CDH18: variants seen among roughly 807,000 people sequenced by gnomAD.
CDH18 encodes cadherin 18.
Under a neutral mutation model 67.9 loss-of-function variants are expected in CDH18, and 31 were observed. The ratio of observed to expected loss-of-function variants is 0.46; its 90% CI spans 0.34 to 0.62. CDH18 has a LOEUF of 0.62. Among genes scored for constraint, CDH18 ranks in the 20% least tolerant of loss-of-function variants. The probability of loss-of-function intolerance (pLI) is 0.01; values close to 1 mark genes in which losing one functional copy is unlikely to be tolerated. For synonymous variants in CDH18, 362 were observed against 347.2 expected, an observed-to-expected ratio of 1.04 and a Z score of -0.48; for missense variants, 890 against 975.5, an observed-to-expected ratio of 0.91 and a Z score of 1.17.
intron 10 of CDH18, among the ~76,000 whole-genome samples, chr5:19,505,841 T>A (rs1579870829): frequency 6.6e-6 from 1 of 152,246 alleles, no homozygotes; most frequent in East Asian, 1.9e-4. Flanking sequence ...ATAAAATGAG[T>A]TAGGGAGGAT....
intron 4 of CDH18, among the ~76,000 whole-genome samples, chr5:19,729,792 G>GTCTTATGTA (rs1338325832): frequency 1.3e-5 from 2 of 152,072 alleles, no homozygotes; most frequent in African/African-American, 2.4e-5. Flanking sequence ...ATGCCCACTA[G>GTCTTATGTA]TCTTATGTAT....
chr5:20,034,412 T>C (rs2150458387), intron 2 of CDH18, among the ~76,000 whole-genome samples: 1 of 152,184 alleles, frequency 6.6e-6, no homozygotes, highest in African/African-American at 2.4e-5. Flanking sequence ...TTGTAATGAC[T>C]AATTTTATGT....
intron 3 of CDH18, among the ~76,000 whole-genome samples, chr5:19,828,075 T>G (rs1780603917): frequency 6.6e-6 from 1 of 151,884 alleles, no homozygotes; most frequent in Admixed American, 6.6e-5. Context: ...CAAAAAACCC[T>G]CAGTAACTAC....
intron 2 of CDH18, among the ~76,000 whole-genome samples, chr5:20,138,343 C>A (rs1236174765): frequency 6.6e-6 from 1 of 152,040 alleles, no homozygotes; most frequent in African/African-American, 2.4e-5. Flanking sequence ...TTATGACATA[C>A]CCACAGCCAA....
At chr5:20,538,909 G>GTTTTTTTTTTTTTTTTT (rs35247774) in intron 1 of CDH18, among the ~76,000 whole-genome samples, 3 of 118,752 alleles carry the variant, frequency 2.5e-5, no homozygotes, top group African/African-American at 1.0e-4. Flanking sequence ...TTTTTTTTTT[G>GTTTTTTTTTTTTTTTTT]TTTTTTTTTT....
chr5:20,512,904 G>C (rs1031768468), intron 1 of CDH18, among the ~76,000 whole-genome samples: 1 of 147,352 alleles, frequency 6.8e-6, no homozygotes. Context: ...AAAAAAAATC[G>C]ACTCAGCTCT....
chr5:20,304,074 T>C, intron 1 of CDH18: 1 of 1,609,718 alleles, frequency 6.2e-7, no homozygotes, highest in Non-Finnish European at 8.5e-7. Flanking sequence ...AGTAAAATTT[T>C]GTGCAACTCG....
chr5:20,121,862 TCAAAA>T (rs1748378388), intron 2 of CDH18, among the ~76,000 whole-genome samples: 1 of 152,100 alleles, frequency 6.6e-6, no homozygotes, highest in Non-Finnish European at 1.5e-5. Context: ...GCTCAAAAAT[TCAAAA>T]CAAGACCACA....
At chr5:19,873,366 G>T (rs1034885404) in intron 2 of CDH18, among the ~76,000 whole-genome samples, 3 of 152,208 alleles carry the variant, frequency 2.0e-5, no homozygotes, top group Admixed American at 1.3e-4. Context: ...AGGGAATGAA[G>T]GCACTATCAT....
chr5:20,065,229 G>A (rs971535042), intron 2 of CDH18, among the ~76,000 whole-genome samples: 1 of 151,898 alleles, frequency 6.6e-6, no homozygotes, highest in Admixed American at 6.6e-5. Flanking sequence ...AAATGAGGAA[G>A]TGACGTATCT....
chr5:20,277,721 G>C (rs1214091793), intron 1 of CDH18, among the ~76,000 whole-genome samples: 2 of 152,102 alleles, frequency 1.3e-5, no homozygotes, highest in Admixed American at 6.6e-5. Flanking sequence ...CTTTCAGACA[G>C]AGAATTCAAA....
At position 20,530,357 on chromosome 5, in the gene CDH18, C is replaced by T. The variant is rs567566728; in HGVS notation, c.-580+45105G>A. 4.9e-4 allele frequency among the ~76,000 whole-genome samples: 75 copies of T among 151,774 alleles called. 1 individual carries two copies. Among genetic ancestry groups the T allele is most frequent in the Admixed American group, 1.9e-3 (29 of 15,228 alleles). On this transcript the variant is annotated intron_variant, in intron 1 of 14. Coordinates refer to the CDH18 transcript ENST00000507958. ...TATTCCCATTAAATTGTCATTGATACTCTTCACACAATTAGAAAAAAAAAC... is the reference window on the plus strand; with the variant it reads ...TATTCCCATTAAATTGTCATTGATATTCTTCACACAATTAGAAAAAAAAAC...
At chr5:20,166,985 A>T (rs1243276354) in intron 2 of CDH18, among the ~76,000 whole-genome samples, 1 of 152,174 alleles carries the variant, frequency 6.6e-6, no homozygotes, top group African/African-American at 2.4e-5. Flanking sequence ...TATAGTAAAA[A>T]TTTTAAAAGA....
intron 2 of CDH18, among the ~76,000 whole-genome samples, chr5:19,858,591 CA>C (rs1784541130): frequency 6.6e-6 from 1 of 152,042 alleles, no homozygotes; most frequent in Non-Finnish European, 1.5e-5. Flanking sequence ...CAGATTTATA[CA>C]ATTAGTAAAG....
At chr5:19,506,654 A>G (rs1744219626) in intron 10 of CDH18, among the ~76,000 whole-genome samples, 1 of 152,232 alleles carries the variant, frequency 6.6e-6, no homozygotes, top group Admixed American at 6.5e-5. Context: ...AGAAATGGGG[A>G]AAGGAATCCC....
chr5:19,683,854 C>A (rs1453975940), intron 5 of CDH18, among the ~76,000 whole-genome samples: 1 of 152,058 alleles, frequency 6.6e-6, no homozygotes, highest in African/African-American at 2.4e-5. Flanking sequence ...ACACGTGTCC[C>A]CTGTTTCACT....
At chr5:19,991,041 A>G (rs922379411), upstream of CDH18, among the ~76,000 whole-genome samples, 1 of 152,224 alleles carries the variant, frequency 6.6e-6, no homozygotes, top group Non-Finnish European at 1.5e-5. Flanking sequence ...ACAGAGACAC[A>G]TCTAACACAC....
At chr5:20,572,307 G>A (rs979027103) in intron 1 of CDH18, among the ~76,000 whole-genome samples, 1 of 151,998 alleles carries the variant, frequency 6.6e-6, no homozygotes, top group African/African-American at 2.4e-5. Context: ...CACAGTCATT[G>A]AGTTTCGGTG....
intron 1 of CDH18, among the ~76,000 whole-genome samples, chr5:20,441,439 G>A (rs902889775): frequency 2.0e-5 from 3 of 151,550 alleles, no homozygotes; most frequent in African/African-American, 7.3e-5. Flanking sequence ...GTGTGCCTGT[G>A]TGTTTAGTTC....
Sources: gnomAD v4.1 joint callset for allele counts (sites outside exome capture counted in the v4.1 genomes callset) on GRCh38, gnomAD v4.1.1 for gene constraint, MANE v1.5 for transcripts, NCBI Gene and HGNC (gene_info 2026-07-23, HGNC 2026-07-21) for gene names.